The following COL6A5 variants were observed in gnomAD, a reference collection of about 807,000 sequenced individuals.
The protein encoded by COL6A5 is collagen type VI alpha 5 chain.
Under a neutral mutation model 65.6 loss-of-function variants are expected in COL6A5, and 48 were observed. The ratio of observed to expected loss-of-function variants is 0.73; its 90% confidence interval spans 0.58 to 0.93. The LOEUF (loss-of-function observed/expected upper bound fraction) is 0.93, where lower values mean the gene tolerates loss of function less well. Among genes scored for constraint, COL6A5 ranks in the 40% least tolerant of loss-of-function variants. The pLI is 0.00. For synonymous variants in COL6A5, 291 were observed against 322.8 expected, an observed-to-expected ratio of 0.90 and a Z score of 1.05; for missense variants, 914 against 928.3, an observed-to-expected ratio of 0.98 and a Z score of 0.20.
At chr3:130,368,109 C>G (rs888145983) in intron 1 of COL6A5, among the ~76,000 whole-genome samples, 1 of 152,180 alleles carries the variant, frequency 6.6e-6, no homozygotes, top group African/African-American at 2.4e-5. Context: ...AGGCCTCTGC[C>G]TTTTGAAAAG....
exon 2 of COL6A5, chr3:130,373,690 G>A (rs1303772792): frequency 6.5e-7 from 1 of 1,536,146 alleles, no homozygotes; most frequent in South Asian, 1.2e-5. Flanking sequence ...TGAAACATTG[G>A]CAGACCAGAG....
chr3:130,454,046 A>G (rs1234292087), intron 4 of COL6A5, among the ~76,000 whole-genome samples: 1 of 152,188 alleles, frequency 6.6e-6, no homozygotes, highest in East Asian at 1.9e-4. Flanking sequence ...CAGCAGACAA[A>G]ATATTATAAT....
rs79209692 is a variant in COL6A5 at position 130,379,414 on chromosome 3, A to T, written c.668-4A>T. 1 of 1,549,176 alleles carries T rather than the reference A, an allele frequency of 6.5e-7. No individual in the cohort carries two copies. The highest frequency in any genetic ancestry group is 8.7e-7 in the Non-Finnish European group (1 of 1,145,568). On this transcript the variant is annotated splice_region_variant and splice_polypyrimidine_tract_variant and intron_variant and NMD_transcript_variant, in intron 3 of 41. Transcript: ENST00000312481. ...TAATCCTCACACATTTTCTGTCTGC[A>T]TAGTTCACTTCCCCATATCCTGTCA...
chr3:130,433,511 A>C (rs1937904975), intron 1 of COL6A5, among the ~76,000 whole-genome samples: 1 of 152,152 alleles, frequency 6.6e-6, no homozygotes, highest in Non-Finnish European at 1.5e-5. Context: ...TTCTGACTGC[A>C]TATCACGCCT....
At chr3:130,472,177 G>A (rs1396919578) in intron 7 of COL6A5, among the ~76,000 whole-genome samples, 1 of 152,062 alleles carries the variant, frequency 6.6e-6, no homozygotes, top group Non-Finnish European at 1.5e-5. Flanking sequence ...GGAAGTTGGA[G>A]GGGCAAGAAC....
intron 1 of COL6A5, among the ~76,000 whole-genome samples, chr3:130,369,075 A>C (rs1195171987): frequency 6.6e-6 from 1 of 152,130 alleles, no homozygotes; most frequent in Admixed American, 6.5e-5. Flanking sequence ...TATTCTGGCC[A>C]GCTTTTGTTG....
chr3:130,400,205 A>G (rs890677333), intron 10 of COL6A5, among the ~76,000 whole-genome samples: 29 of 152,066 alleles, frequency 1.9e-4, no homozygotes, highest in Non-Finnish European at 1.5e-4. Context: ...ATCAGCTTCA[A>G]CATCAATTTT....
At chr3:130,382,691 C>T (rs186265176) in intron 4 of COL6A5, among the ~76,000 whole-genome samples, 45 of 152,184 alleles carry the variant, frequency 3.0e-4, no homozygotes, top group African/African-American at 9.1e-4. Context: ...GAATGATCAA[C>T]GCTCAGAGAA....
At chr3:130,394,807 A>C in intron 7 of COL6A5, 83 bp from the exon 8 acceptor site, 1 of 944,870 alleles carries the variant, frequency 1.1e-6, no homozygotes, top group East Asian at 2.6e-5. Flanking sequence ...TGAAGTATTT[A>C]GTAAAGCAAT....
upstream of COL6A5, among the ~76,000 whole-genome samples, chr3:130,430,098 G>A (rs1368745183): frequency 6.6e-6 from 1 of 152,170 alleles, no homozygotes; most frequent in Non-Finnish European, 1.5e-5. Flanking sequence ...CAAGGCCATT[G>A]GAGCCAGTGG....
chr3:130,404,117 C>G (rs1936908421), intron 13 of COL6A5, among the ~76,000 whole-genome samples: 2 of 152,284 alleles, frequency 1.3e-5, no homozygotes, highest in African/African-American at 4.8e-5. Context: ...AGTATACACC[C>G]TTCCATGGAA....
chr3:130,386,172 G>C (rs544027422), intron 5 of COL6A5, among the ~76,000 whole-genome samples: 1 of 152,026 alleles, frequency 6.6e-6, no homozygotes, highest in Non-Finnish European at 1.5e-5. Flanking sequence ...CTGGTAAAGA[G>C]GAAAGATGCT....
At position 130,431,848 on chromosome 3, in the gene COL6A5, A is replaced by T. The variant is rs1007227505; in HGVS notation, c.388A>T (p.Ser130Cys). ...GTTTTTTAGCAATGGTCAAACAGCC[A>T]GTAGGTCATCCATCATCACGGCCAC... Residue 130 changes from serine to cysteine, a missense_variant, in exon 1 of 8, where the codon AGT becomes TGT. By Grantham distance (112) the Ser-to-Cys change is moderately radical. Coordinates refer to ENST00000512836, the Ensembl canonical transcript of COL6A5. 5.8e-6 allele frequency: 9 copies of T among 1,551,532 alleles called. No homozygotes were observed. The Admixed American group carries it at 1.8e-4, about 30-fold the overall frequency.
At chr3:130,367,330 G>A (rs566138137) in intron 1 of COL6A5, among the ~76,000 whole-genome samples, 51 of 152,272 alleles carry the variant, frequency 3.3e-4, no homozygotes, top group African/African-American at 1.1e-3. Flanking sequence ...CTCTACCTGG[G>A]ATCCTTGATC....
In COL6A5 at chr3:130,410,494, G is replaced by A. The variant is rs1937138816; in HGVS notation, c.4632G>A (p.Val1544=). ...AGGGTAGAAGTGGACAGAAAGGGGT[G>A]CAAGGCAGTCCTAGTTCCAGAGGCA... The change falls in exon 20 of 42, where the codon GTG becomes GTA. Residue 1544 remains valine (V), a synonymous_variant and NMD_transcript_variant. Transcript: ENST00000312481. The A allele has an allele frequency of 1.9e-6, 3 of 1,550,908 alleles. No homozygotes were observed. The East Asian group carries it at 7.3e-5, about 38-fold the overall frequency.
intron 1 of COL6A5, among the ~76,000 whole-genome samples, chr3:130,363,060 T>G (rs997296595): frequency 1.3e-5 from 2 of 152,232 alleles, no homozygotes; most frequent in African/African-American, 2.4e-5. Context: ...TATATTCTAT[T>G]TGTTGCCTTT....
At position 130,439,546 on chromosome 3, in the gene COL6A5, G is replaced by A. The variant is rs769896428; in HGVS notation, c.514G>A (p.Val172Met). Residue 172 changes from valine (V) to methionine (M), a missense_variant, in exon 2 of 8, where the codon GTG (valine) becomes ATG (methionine). Val to Met is a conservative substitution (Grantham distance 21). Transcript: ENST00000512836. ...GTTTGACAACACTGGAACATTTCAGGTGATTCCAGTTCCTCCAAATGGGGA... is the reference window on the plus strand; with the variant it reads ...GTTTGACAACACTGGAACATTTCAGATGATTCCAGTTCCTCCAAATGGGGA... The A allele has an allele frequency of 2.9e-5, 45 of 1,550,782 alleles. No homozygotes were observed. Among genetic ancestry groups the A allele is most frequent in the South Asian group, 1.2e-4 (10 of 84,032 alleles).
chr3:130,391,749 C>T, exon 7 of COL6A5: 1 of 1,544,348 alleles, frequency 6.5e-7, no homozygotes, highest in South Asian at 1.2e-5. Flanking sequence ...ACTGAAGCAC[C>T]AGAGGGTAAG....
At chr3:130,356,248 A>G (rs1426747308) in intron 1 of COL6A5, among the ~76,000 whole-genome samples, 3 of 152,198 alleles carry the variant, frequency 2.0e-5, no homozygotes. Flanking sequence ...ACCTTATGAA[A>G]TAACTAGCAT....
Sources: allele counts gnomAD v4.1 joint callset (sites outside exome capture counted in the v4.1 genomes callset), GRCh38; gene constraint gnomAD v4.1.1; transcripts MANE v1.5; gene names NCBI Gene and HGNC (gene_info 2026-07-23, HGNC 2026-07-21).